WWC2: variants seen among roughly 807,000 people sequenced by gnomAD.
The protein encoded by WWC2 is protein WWC2.
WWC2 carries 101 observed loss-of-function variants against 138.5 expected under a neutral mutation model. That is an observed-to-expected ratio of 0.73 (90% CI 0.62 to 0.86). The LOEUF is 0.86. Among genes scored for constraint, WWC2 ranks in the 40% least tolerant of loss-of-function variants. The probability of loss-of-function intolerance (pLI) is 0.00; values close to 1 mark genes in which losing one functional copy is unlikely to be tolerated. For synonymous variants in WWC2, 558 were observed against 538.4 expected (o/e 1.04, Z -0.50); for missense variants, 1,420 against 1,419.4 (o/e 1.00, Z -0.01).
At chr4:183,285,939 AT>A (rs138568650) in intron 19 of WWC2, 27 bp from the exon 20 acceptor site, 1,444 of 1,423,132 alleles carry the variant, frequency 1.0e-3, no homozygotes, top group East Asian at 1.5e-3. Context: ...ATATGCAGTG[AT>A]TTTTTTTTTA....
chr4:183,310,904 C>G (rs796452483), intron 21 of WWC2, among the ~76,000 whole-genome samples: 9 of 149,056 alleles, frequency 6.0e-5, no homozygotes, highest in African/African-American at 2.2e-4. Flanking sequence ...GTGTTGGGTA[C>G]TGCTCTGAGT....
In WWC2 at chr4:183,269,041, C is replaced by T. The variant is rs1179820900; in HGVS notation, c.2278C>T (p.Pro760Ser). Residue 760 changes from proline (P) to serine (S), a missense_variant, in exon 15 of 23, where the codon CCC becomes TCC. By Grantham distance (74) the Pro-to-Ser change is moderately conservative. Transcript: ENST00000403733. ...SCLFRTKVHPPTESILFNDVF... is the reference protein window; with the variant it reads ...SCLFRTKVHPSTESILFNDVF... ...TCTGTTTCGCACAAAAGTTCATCCG[C>T]CCACAGAATCCATTTTATTCAATGA... The T allele has an allele frequency of 1.2e-6, 2 of 1,613,922 alleles. No homozygotes were observed. The highest frequency in any genetic ancestry group is 2.2e-5 in the South Asian group (2 of 91,060).
chr4:183,242,129 G>A (rs551950971), intron 5 of WWC2, among the ~76,000 whole-genome samples: 5 of 152,098 alleles, frequency 3.3e-5, no homozygotes, highest in Non-Finnish European at 7.4e-5. Flanking sequence ...GACCTCTCCT[G>A]TTTATCTTAA....
At chr4:183,240,473 T>TA (rs1736581928) in intron 5 of WWC2, 2 of 433,108 alleles carry the variant, frequency 4.6e-6, no homozygotes, top group Non-Finnish European at 8.0e-6. Flanking sequence ...CCAAAGTTTT[T>TA]ATTAATCATT....
intron 9 of WWC2, among the ~76,000 whole-genome samples, chr4:183,257,769 A>C (rs77751920): frequency 1.4e-3 from 216 of 152,282 alleles, no homozygotes; most frequent in African/African-American, 5.0e-3. Context: ...GCCTCTCCCC[A>C]GTGCCTTCCT....
intron 21 of WWC2, among the ~76,000 whole-genome samples, chr4:183,299,715 C>G (rs1170909457): frequency 1.3e-5 from 2 of 152,166 alleles, no homozygotes; most frequent in East Asian, 3.9e-4. Context: ...ACATGGCACA[C>G]ACACACTAAC....
chr4:183,159,452 C>T (rs531882623), intron 1 of WWC2, among the ~76,000 whole-genome samples: 2 of 152,034 alleles, frequency 1.3e-5, no homozygotes, highest in Admixed American at 6.6e-5. Context: ...TCATCCAGGC[C>T]GGAGTACAGT....
At chr4:183,201,544 A>G (rs893140555) in intron 2 of WWC2, among the ~76,000 whole-genome samples, 4 of 152,158 alleles carry the variant, frequency 2.6e-5, no homozygotes, top group Non-Finnish European at 5.9e-5. Context: ...CCTTATCCCT[A>G]GAGGCCAGGT....
chr4:183,114,409 G>A (rs1732346138), intron 1 of WWC2, among the ~76,000 whole-genome samples: 1 of 152,154 alleles, frequency 6.6e-6, no homozygotes, highest in Non-Finnish European at 1.5e-5. Context: ...AATACAAGGT[G>A]TGAGACCCCT....
At chr4:183,214,921 T>C (rs1008715527) in intron 4 of WWC2, among the ~76,000 whole-genome samples, 1 of 152,242 alleles carries the variant, frequency 6.6e-6, no homozygotes, top group African/African-American at 2.4e-5. Flanking sequence ...GCTGTGACTT[T>C]GCTTTCTTTT....
chr4:183,196,263 G>T (rs1021788732), intron 2 of WWC2, among the ~76,000 whole-genome samples: 14 of 152,108 alleles, frequency 9.2e-5, no homozygotes, highest in African/African-American at 3.1e-4. Flanking sequence ...GGCAAGAAGG[G>T]TCTAATACAC....
chr4:183,293,649 A>G (rs918450185), intron 21 of WWC2, among the ~76,000 whole-genome samples: 3 of 152,354 alleles, frequency 2.0e-5, no homozygotes, highest in African/African-American at 7.2e-5. Context: ...AAAGACTGGA[A>G]AGAAATAAAG....
At chr4:183,259,518 T>C in intron 9 of WWC2, 121 bp from the exon 10 acceptor site, 3 of 749,058 alleles carry the variant, frequency 4.0e-6, no homozygotes. Context: ...GTTTTCTGTC[T>C]GTGGAGCCCA....
intron 4 of WWC2, among the ~76,000 whole-genome samples, chr4:183,209,661 A>C (rs1431677120): frequency 6.6e-6 from 1 of 152,182 alleles, no homozygotes; most frequent in Non-Finnish European, 1.5e-5. Flanking sequence ...TTTGTCAGAC[A>C]ACCCAATATT....
rs561669410 is a variant in WWC2, at chr4:183,271,190, T to C, written c.2511T>C (p.Asn837=). The C allele has an allele frequency of 2.0e-5, 33 of 1,613,266 alleles. No homozygotes were observed. In the East Asian group the frequency reaches 7.4e-4, roughly 36 times the overall value. ...KQMPCKKNEE[N]EDSVFQPNQP... Reference sequence around the variant, plus strand: ...TGCCTTGCAAAAAGAATGAAGAAAATGAGGACTCTGTATTTCAACCAAACC... The same window carrying C: ...TGCCTTGCAAAAAGAATGAAGAAAACGAGGACTCTGTATTTCAACCAAACC... Residue 837 remains asparagine, a synonymous_variant, in exon 16 of 23, where the codon AAT becomes AAC. Coordinates refer to ENST00000403733, the MANE Select transcript of WWC2 (RefSeq NM_024949.6).
intron 1 of WWC2, among the ~76,000 whole-genome samples, chr4:183,141,383 C>T (rs1380066130): frequency 2.0e-5 from 3 of 152,014 alleles, no homozygotes; most frequent in Admixed American, 6.6e-5. Flanking sequence ...AGATCAAAGC[C>T]CTGATCTTAT....
intron 21 of WWC2, among the ~76,000 whole-genome samples, chr4:183,308,276 AT>A (rs1362498893): frequency 6.6e-6 from 1 of 152,218 alleles, no homozygotes; most frequent in Non-Finnish European, 1.5e-5. Context: ...AAGACTCAGT[AT>A]TGTCAAGATG....
At chr4:183,141,779 G>A (rs1733308155) in intron 1 of WWC2, among the ~76,000 whole-genome samples, 1 of 152,140 alleles carries the variant, frequency 6.6e-6, no homozygotes, top group African/African-American at 2.4e-5. Flanking sequence ...AATTATACAT[G>A]ACAGCTTTAT....
intron 1 of WWC2, among the ~76,000 whole-genome samples, chr4:183,102,730 C>G (rs1436627568): frequency 6.6e-6 from 1 of 152,132 alleles, no homozygotes; most frequent in Non-Finnish European, 1.5e-5. Context: ...CCTTGTCCCC[C>G]TACCCTGCCT....
Sources: allele counts gnomAD v4.1 joint callset (sites outside exome capture counted in the v4.1 genomes callset), GRCh38; gene constraint gnomAD v4.1.1; transcripts MANE v1.5; gene names NCBI Gene and HGNC (gene_info 2026-07-23, HGNC 2026-07-21).